The following HAT1 variants were observed in gnomAD, a reference collection of about 807,000 sequenced individuals.
HAT1 encodes the protein histone acetyltransferase type B catalytic subunit.
HAT1 carries 20 observed loss-of-function variants against 56.6 expected under a neutral mutation model. That is an observed-to-expected ratio of 0.35 (90% CI 0.25 to 0.51). HAT1 has a LOEUF of 0.51. Among genes scored for constraint, HAT1 ranks in the 20% least tolerant of loss-of-function variants. The probability of loss-of-function intolerance (pLI) is 0.95; values close to 1 mark genes in which losing one functional copy is unlikely to be tolerated. For missense variants in HAT1, 408 were observed against 504.3 expected, an observed-to-expected ratio of 0.81 and a Z score of 1.83; for synonymous variants, 146 against 165.5, an observed-to-expected ratio of 0.88 and a Z score of 0.91.
intron 8 of HAT1, among the ~76,000 whole-genome samples, 176 bp from the exon 9 acceptor site, chr2:171,975,981 T>A (rs1351949728): frequency 1.2e-4 from 1 of 8,206 alleles, no homozygotes; most frequent in African/African-American, 3.3e-4. Context: ...TTAGACAGAG[T>A]CTCGCTCTGT....
At chr2:171,975,102 C>G in intron 8 of HAT1, among the ~76,000 whole-genome samples, 1 of 130,936 alleles carries the variant, frequency 7.6e-6, no homozygotes, top group South Asian at 2.5e-4. Context: ...TATTTTCTTT[C>G]TTTTTTTTTT....
chr2:171,965,220 C>T, intron 4 of HAT1, 118 bp from the exon 5 acceptor site: 1 of 636,324 alleles, frequency 1.6e-6, no homozygotes, highest in Non-Finnish European at 2.7e-6. Flanking sequence ...GTGTTTACTT[C>T]TTTAGTTTTC....
At chr2:171,969,399 GATT>G (rs1323867823) in intron 8 of HAT1, among the ~76,000 whole-genome samples, 1 of 151,924 alleles carries the variant, frequency 6.6e-6, no homozygotes, top group African/African-American at 2.4e-5. Context: ...TTTAGAATAT[GATT>G]TTTTATCACT....
intron 10 of HAT1, among the ~76,000 whole-genome samples, chr2:171,981,926 G>T (rs1179851079): frequency 6.6e-6 from 1 of 152,106 alleles, no homozygotes; most frequent in Non-Finnish European, 1.5e-5. Flanking sequence ...TGGGCACAGA[G>T]AGCAGTATAG....
In HAT1 at chr2:171,945,561, T is replaced by C. The variant is rs186949717; in HGVS notation, c.113-1147T>C. Among the ~76,000 whole-genome samples, 6 of 151,682 alleles carry C rather than the reference T, an allele frequency of 4.0e-5. No homozygotes were observed. In the East Asian group the frequency reaches 1.2e-3, roughly 29 times the overall value. ...CAGGCTGGAGTGCAGTGGCATGATC[T>C]TGGCTCACTGCAACCTCTACCTCCT... On this transcript the variant is annotated intron_variant, in intron 2 of 10. Coordinates refer to ENST00000264108, the MANE Select transcript of HAT1 (RefSeq NM_003642.4).
At chr2:171,927,960 C>T (rs910060614) in intron 2 of HAT1, among the ~76,000 whole-genome samples, 1 of 152,128 alleles carries the variant, frequency 6.6e-6, no homozygotes, top group Non-Finnish European at 1.5e-5. Context: ...GGTCTTGGCT[C>T]ACTGAAACCT....
At chr2:171,972,454 G>A (rs1687840681) in intron 8 of HAT1, among the ~76,000 whole-genome samples, 1 of 152,122 alleles carries the variant, frequency 6.6e-6, no homozygotes, top group African/African-American at 2.4e-5. Context: ...CTGTAGAGAT[G>A]GGGTCTCACT....
intron 2 of HAT1, among the ~76,000 whole-genome samples, chr2:171,938,024 T>TTCTCTCTC (rs374402453): frequency 0.047 from 4,863 of 104,548 alleles, 252 homozygotes; most frequent in East Asian, 0.095. Context: ...TGTCTACTGA[T>TTCTCTCTC]TCTCTCTCTC....
rs746233254 is a variant in HAT1, at chr2:171,983,315, A to G, written c.1223A>G (p.Asp408Gly). ...GAGAGTTTTCAGGAACTAGTGGAAG[A>G]TTACCGGCGTGTTATTGAACGACTT... ...LEESFQELVE[D>G]YRRVIERLAQ... Residue 408 changes from aspartate to glycine, a missense_variant, in exon 11 of 11, where the codon GAT (aspartate) becomes GGT (glycine). Asp to Gly is a moderately conservative substitution (Grantham distance 94). Transcript: ENST00000264108. 1 of 1,609,576 alleles carries G rather than the reference A, an allele frequency of 6.2e-7. No homozygotes were observed. The highest frequency in any genetic ancestry group is 1.7e-4 in the Middle Eastern group (1 of 6,056).
intron 2 of HAT1, among the ~76,000 whole-genome samples, chr2:171,927,890 T>C (rs1686637547): frequency 6.6e-6 from 1 of 150,532 alleles, no homozygotes; most frequent in Non-Finnish European, 1.5e-5. Flanking sequence ...AGCCAGGAAA[T>C]GGTTTTTTAT....
intron 10 of HAT1, chr2:171,980,308 AG>A (rs1279793980): frequency 6.6e-6 from 1 of 152,082 alleles, no homozygotes; most frequent in African/African-American, 2.4e-5. Flanking sequence ...ATAAAAGCAA[AG>A]TTATACATAT....
At chr2:171,982,211 G>A (rs1462004969) in intron 10 of HAT1, among the ~76,000 whole-genome samples, 1 of 152,114 alleles carries the variant, frequency 6.6e-6, no homozygotes, top group East Asian at 1.9e-4. Flanking sequence ...TAAAAGGCCA[G>A]AACTGGGCCG....
At chr2:171,952,202 C>T (rs1195416256) in intron 3 of HAT1, among the ~76,000 whole-genome samples, 1 of 152,190 alleles carries the variant, frequency 6.6e-6, no homozygotes, top group Non-Finnish European at 1.5e-5. Context: ...AGTCACTTTA[C>T]CCTGACCCCT....
chr2:171,922,788 C>T (rs994468701), intron 1 of HAT1: 9 of 385,544 alleles, frequency 2.3e-5, no homozygotes, highest in Non-Finnish European at 3.7e-5. Flanking sequence ...GATTTGGGCT[C>T]GTAAAATGCC....
intron 3 of HAT1, among the ~76,000 whole-genome samples, chr2:171,949,127 A>G (rs1038063784): frequency 1.3e-5 from 2 of 152,084 alleles, no homozygotes; most frequent in Non-Finnish European, 2.9e-5. Context: ...TTTTTCATTT[A>G]TTAGTTGGGC....
At chr2:171,969,537 T>C in intron 8 of HAT1, among the ~76,000 whole-genome samples, 1 of 152,328 alleles carries the variant, frequency 6.6e-6, no homozygotes, top group African/African-American at 2.4e-5. Context: ...ATTTTATCTT[T>C]AAATATGTTG....
In HAT1 at chr2:171,970,496, C is replaced by CTTTTTTTTTTTTT. The variant is rs61462189; in HGVS notation, c.823+3576_823+3588dup. Among the ~76,000 whole-genome samples the CTTTTTTTTTTTTT allele has an allele frequency of 1.1e-4, 8 of 74,988 alleles. 2 individuals carry two copies. Among genetic ancestry groups the CTTTTTTTTTTTTT allele is most frequent in the African/African-American group, 3.4e-4 (5 of 14,796 alleles). The allele number at this position is 74,988 out of a possible 152,430, so 49.2% of individuals were successfully genotyped here. A position where few individuals can be genotyped will look rare whatever the true frequency, so the allele number is the denominator to read the frequency against. On this transcript the variant is annotated intron_variant, in intron 8 of 10. Transcript: ENST00000264108. ...TAAATCAGTATTAGCAATGCAGTTTCTTTTTTTTTTTTTTTTTTTTTTTTT... is the reference window on the plus strand; with the variant it reads ...TAAATCAGTATTAGCAATGCAGTTTCTTTTTTTTTTTTTTTTTTTTTTTTTTTTTTTTTTTTTT...
At chr2:171,948,048 A>AT (rs1285290057) in intron 3 of HAT1, among the ~76,000 whole-genome samples, 5 of 152,074 alleles carry the variant, frequency 3.3e-5, no homozygotes, top group South Asian at 4.1e-4. Flanking sequence ...ATCTCTGTAT[A>AT]TTTTTTTACC....
At chr2:171,951,200 A>C in intron 3 of HAT1, among the ~76,000 whole-genome samples, 1 of 152,248 alleles carries the variant, frequency 6.6e-6, no homozygotes, top group East Asian at 1.9e-4. Flanking sequence ...TAGGCATTTT[A>C]TGTGCTTTCA....
Sources: allele counts gnomAD v4.1 joint callset (sites outside exome capture counted in the v4.1 genomes callset), GRCh38; gene constraint gnomAD v4.1.1; transcripts MANE v1.5; gene names NCBI Gene and HGNC (gene_info 2026-07-23, HGNC 2026-07-21).